ACOT9: variants seen among roughly 807,000 people sequenced by gnomAD.
ACOT9 encodes acyl-coenzyme A thioesterase 9, mitochondrial.
In ACOT9, 34 loss-of-function variants were observed where a neutral mutation model predicts 39.7. That is an observed-to-expected ratio of 0.86 (90% CI 0.65 to 1.14). ACOT9 has a LOEUF of 1.14. Ranked by LOEUF, ACOT9 falls within the 50% of genes most tolerant of loss-of-function variation. ACOT9 has a pLI of 0.00. For synonymous variants in ACOT9, 110 were observed against 120.5 expected, an observed-to-expected ratio of 0.91 and a Z score of 0.57; for missense variants, 313 against 344.1, an observed-to-expected ratio of 0.91 and a Z score of 0.71.
At chrX:23,730,794 C>A in intron 5 of ACOT9, 22 bp downstream of exon 5, 1 of 1,164,466 alleles carries the variant, frequency 8.6e-7, no homozygotes, top group Non-Finnish European at 1.1e-6. Context: ...AAAACAAATA[C>A]ATAAAAATAG....
At chrX:23,705,917 A>G (rs1928664697) in intron 11 of ACOT9, 59 bp from the exon 12 acceptor site, 3 of 996,383 alleles carry the variant, frequency 3.0e-6, no homozygotes, top group Non-Finnish European at 4.3e-6. Context: ...GTTGAAAAGT[A>G]AAAACATTTG....
chrX:23,730,936 G>C lies in ACOT9; in HGVS notation c.242C>G (p.Ala81Gly). The change falls in exon 5 of 16, where the codon GCT becomes GGT. Residue 81 changes from alanine (A) to glycine (G), a missense_variant. Physicochemically the swap from Ala to Gly is moderately conservative, Grantham distance 60. Coordinates refer to ENST00000379303, the MANE Select transcript of ACOT9 (RefSeq NM_001037171.2). Reference sequence around the variant, plus strand: ...AGGAGGCAGTCCATCCTGTGATTTAGCCAAGAAACTATGAAGTAATTTCCT... The same window carrying C: ...AGGAGGCAGTCCATCCTGTGATTTACCCAAGAAACTATGAAGTAATTTCCT... ...EERKLLHSFL[A>G]KSQDGLPPRR... 5.8e-6 allele frequency: 7 copies of C among 1,210,567 alleles called. No homozygotes were observed. Among genetic ancestry groups the C allele is most frequent in the Non-Finnish European group, 7.8e-6 (7 of 894,621 alleles).
chrX:23,705,199 G>A lies in ACOT9; in HGVS notation c.1020-119C>T. 8.9e-6 allele frequency: 6 copies of A among 673,154 alleles called. No homozygotes were observed. In the South Asian group the frequency reaches 1.6e-4, roughly 18 times the overall value. 55.5% of individuals were successfully genotyped at this position (673,154 alleles called of 1,213,427 possible). A position where few individuals can be genotyped will look rare whatever the true frequency, so the allele number is the denominator to read the frequency against. On this transcript the variant is annotated intron_variant, in intron 13 of 15. Transcript: ENST00000379303. ...GAACGAAGAATAAAGTTAGAGAAGG[G>A]GGAAAAGATCCTACCAGTGAGAAAT...
At chrX:23,705,189 T>G in intron 13 of ACOT9, 109 bp from the exon 14 acceptor site, 1 of 723,059 alleles carries the variant, frequency 1.4e-6, no homozygotes, top group South Asian at 2.6e-5. Flanking sequence ...AAGAATAAAG[T>G]TAGAGAAGGG....
chrX:23,703,793 G>A lies in ACOT9; in HGVS notation c.*101C>T. The A allele has an allele frequency of 1.5e-6, 1 of 649,330 alleles. No homozygotes were observed. The highest frequency in any genetic ancestry group is 2.7e-5 in the South Asian group (1 of 37,697). 53.5% of individuals were successfully genotyped at this position (649,330 alleles called of 1,213,427 possible). ...GCTGAATACATCCTCCTCCTGTGTG[G>A]AGGACACGAAGCAATACTAAAATCA... On this transcript the variant is annotated 3_prime_UTR_variant, in exon 16 of 16. Coordinates refer to ENST00000379303, the MANE Select transcript of ACOT9 (RefSeq NM_001037171.2).
At chrX:23,739,927 T>C (rs781706308) in intron 1 of ACOT9, among the ~76,000 whole-genome samples, 49 of 111,252 alleles carry the variant, frequency 4.4e-4, no homozygotes, top group African/African-American at 1.6e-3. Flanking sequence ...ATTTGGAAAA[T>C]TGTAGTCCTA....
Position 23,721,974 on chromosome X carries a change from C to G in ACOT9, c.495G>C (p.Lys165Asn). 1 of 1,204,815 alleles carries G rather than the reference C, an allele frequency of 8.3e-7. No homozygotes were observed. Among genetic ancestry groups the G allele is most frequent in the South Asian group, 1.8e-5 (1 of 55,837 alleles). Residue 165 changes from lysine to asparagine, a missense_variant, in exon 8 of 16, where the codon AAG (lysine) becomes AAC (asparagine). By Grantham distance (94) the Lys-to-Asn change is moderately conservative (BLOSUM62 0). Transcript: ENST00000379303. ...TGTCCTGTTCTGGGCTCAAGCTCTT[C>G]TTACACATATCTGCAAAACAGAAGT... ...TALVDKIDMC[K>N]KSLSPEQDIK...
At chrX:23,739,032 C>T (rs995372905) in intron 1 of ACOT9, among the ~76,000 whole-genome samples, 2 of 111,341 alleles carry the variant, frequency 1.8e-5, no homozygotes, top group Non-Finnish European at 3.8e-5. Flanking sequence ...CCGAGGCAGG[C>T]GTATCACTTG....
intron 4 of ACOT9, among the ~76,000 whole-genome samples, chrX:23,731,718 TTCTC>T (rs1285749106): frequency 1.9e-5 from 2 of 107,970 alleles, no homozygotes; most frequent in African/African-American, 6.7e-5. Flanking sequence ...TGAGCCCCAG[TTCTC>T]TCTCTCTCTC....
intron 1 of ACOT9, among the ~76,000 whole-genome samples, chrX:23,740,591 C>A (rs1460616509): frequency 1.8e-5 from 2 of 108,966 alleles, no homozygotes; most frequent in Non-Finnish European, 1.9e-5. Flanking sequence ...TTTGAAGATT[C>A]TGATTCAAAC....
intron 6 of ACOT9, among the ~76,000 whole-genome samples, chrX:23,729,363 G>A (rs903727251): frequency 8.9e-6 from 1 of 111,896 alleles, no homozygotes; most frequent in Non-Finnish European, 1.9e-5. Flanking sequence ...GTCAAAGAAA[G>A]ATTAAGGAAC....
At chrX:23,705,268 T>C (rs771073372) in intron 13 of ACOT9, among the ~76,000 whole-genome samples, 188 bp from the exon 14 acceptor site, 126 of 111,796 alleles carry the variant, frequency 1.1e-3, no homozygotes, top group African/African-American at 4.0e-3. Flanking sequence ...AAAATAACTA[T>C]ATCTTTTCCT....
In ACOT9 at chrX:23,730,890, A is replaced by G. The variant is rs1298434403; in HGVS notation, c.288T>C (p.Tyr96=). The G allele has an allele frequency of 2.5e-6, 3 of 1,210,652 alleles. No individual in the cohort carries two copies. The highest frequency in any genetic ancestry group is 3.4e-6 in the Non-Finnish European group (3 of 894,232). Residue 96 remains tyrosine (Y), a synonymous_variant, in exon 5 of 16, where the codon TAT becomes TAC. Coordinates refer to ENST00000379303, the MANE Select transcript of ACOT9 (RefSeq NM_001037171.2). ...TGCCCAAAGGCAAGAGAACTTCAATATAACTGTCCTTCATTCTCCTAGGAG... is the reference window on the plus strand; with the variant it reads ...TGCCCAAAGGCAAGAGAACTTCAATGTAACTGTCCTTCATTCTCCTAGGAG... ...GLPPRRMKDS[Y]IEVLLPLGSE...
chrX:23,705,710 T>G (rs1928653391), intron 12 of ACOT9, 58 bp downstream of exon 12: 3 of 1,138,650 alleles, frequency 2.6e-6, no homozygotes, highest in Middle Eastern at 2.4e-4. Context: ...TGTCAAATCT[T>G]GGACAAATAT....
At chrX:23,714,999 G>C (rs1929029631) in intron 8 of ACOT9, among the ~76,000 whole-genome samples, 1 of 111,265 alleles carries the variant, frequency 9.0e-6, no homozygotes, top group African/African-American at 3.3e-5. Flanking sequence ...TTTATAACCT[G>C]AGAGTATATT....
At chrX:23,712,037 C>G (rs59955472) in intron 9 of ACOT9, among the ~76,000 whole-genome samples, 4,136 of 111,200 alleles carry the variant, frequency 0.037, 199 homozygotes, top group African/African-American at 0.13. Flanking sequence ...AATGATCCAG[C>G]CTCTCAACGA....
chrX:23,734,304 T>C (rs1205046657), intron 3 of ACOT9, 37 bp downstream of exon 3: 1 of 1,164,109 alleles, frequency 8.6e-7, no homozygotes, highest in Non-Finnish European at 1.2e-6. Context: ...AAATTTAAGC[T>C]CTTAAAAGAA....
intron 9 of ACOT9, among the ~76,000 whole-genome samples, chrX:23,708,242 C>G (rs1276469012): frequency 1.8e-5 from 2 of 112,593 alleles, no homozygotes; most frequent in East Asian, 5.6e-4. Context: ...AGAAAACTGG[C>G]TTTAGGCCGG....
intron 6 of ACOT9, among the ~76,000 whole-genome samples, chrX:23,726,778 T>C (rs1186303375): frequency 1.8e-5 from 2 of 110,454 alleles, no homozygotes; most frequent in Non-Finnish European, 3.8e-5. Context: ...GCCATTCTCC[T>C]GCCTCAACCT....
Sources: allele counts gnomAD v4.1 joint callset (sites outside exome capture counted in the v4.1 genomes callset), GRCh38; gene constraint gnomAD v4.1.1; transcripts MANE v1.5; gene names NCBI Gene and HGNC (gene_info 2026-07-23, HGNC 2026-07-21).